ARHGAP26: variants seen among roughly 807,000 people sequenced by gnomAD.
The protein encoded by ARHGAP26 is Rho GTPase activating protein 26.
ARHGAP26 carries 38 observed loss-of-function variants against 104.8 expected under a neutral mutation model. The ratio of observed to expected loss-of-function variants is 0.36; its 90% confidence interval spans 0.28 to 0.48. The LOEUF (loss-of-function observed/expected upper bound fraction) is 0.48, where lower values mean the gene tolerates loss of function less well. ARHGAP26 is among the 20% of genes least tolerant of loss of function. The pLI, the probability that ARHGAP26 is intolerant of heterozygous loss-of-function variation, is 0.99. For missense variants in ARHGAP26, 704 were observed against 947.9 expected, an observed-to-expected ratio of 0.74 and a Z score of 3.38; for synonymous variants, 341 against 340.0, an observed-to-expected ratio of 1.00 and a Z score of -0.03.
chr5:143,128,752 G>A (rs1796993911), intron 18 of ARHGAP26, among the ~76,000 whole-genome samples: 1 of 152,096 alleles, frequency 6.6e-6, no homozygotes, highest in African/African-American at 2.4e-5. Context: ...ACATTACTAG[G>A]GACCCTGGTA....
intron 11 of ARHGAP26, among the ~76,000 whole-genome samples, chr5:142,954,744 C>T (rs2152628780): frequency 6.6e-6 from 1 of 152,298 alleles, no homozygotes; most frequent in East Asian, 1.9e-4. Flanking sequence ...AGATGTGTTT[C>T]AGGTGTTCTG....
At position 142,808,236 on chromosome 5, in the gene ARHGAP26, GAAAAAAAAAAAAAAAAAA is replaced by G. The variant is rs58550799; in HGVS notation, c.154+37344_154+37361del. 2.4e-3 allele frequency among the ~76,000 whole-genome samples: 78 copies of G among 32,704 alleles called. 1 individual carries two copies. Among genetic ancestry groups the G allele is most frequent in the South Asian group, 0.014 (12 of 836 alleles). The allele number at this position is 32,704 out of a possible 152,430, so 21.5% of individuals were successfully genotyped here. A position where few individuals can be genotyped will look rare whatever the true frequency, so the allele number is the denominator to read the frequency against. Reference sequence around the variant, plus strand: ...GGCAACAGAGTGAGACATTGTCTCGGAAAAAAAAAAAAAAAAAAAAAAAAAAAAAAAAAAAAAAAATGT... The same window carrying G: ...GGCAACAGAGTGAGACATTGTCTCGGAAAAAAAAAAAAAAAAAAAAAATGT... On this transcript the variant is annotated intron_variant, in intron 1 of 22. Coordinates refer to ENST00000645722, the MANE Select transcript of ARHGAP26 (RefSeq NM_001135608.3).
At chr5:143,213,701 C>A (rs1439492253) in intron 21 of ARHGAP26, among the ~76,000 whole-genome samples, 5 of 152,210 alleles carry the variant, frequency 3.3e-5, no homozygotes, top group African/African-American at 1.2e-4. Flanking sequence ...GCCCAGCCTG[C>A]CCTCCCGCTG....
chr5:142,930,080 T>C (rs1764491672), intron 10 of ARHGAP26, among the ~76,000 whole-genome samples: 2 of 152,080 alleles, frequency 1.3e-5, no homozygotes, highest in South Asian at 4.1e-4. Flanking sequence ...GGAATCTCCA[T>C]GTTAAGGGAA....
chr5:142,946,880 A>C (rs1454131593), intron 11 of ARHGAP26: 1 of 152,092 alleles, frequency 6.6e-6, no homozygotes, highest in Non-Finnish European at 1.5e-5. Context: ...CTAAAAACAA[A>C]GTTATGTTCT....
chr5:142,800,431 G>A (rs1313646994), intron 1 of ARHGAP26, among the ~76,000 whole-genome samples: 1 of 150,864 alleles, frequency 6.6e-6, no homozygotes, highest in Non-Finnish European at 1.5e-5. Flanking sequence ...GTGCAATAGC[G>A]TGATCTCGGC....
chr5:142,790,296 C>G (rs1338885389), intron 1 of ARHGAP26, among the ~76,000 whole-genome samples: 1 of 152,116 alleles, frequency 6.6e-6, no homozygotes, highest in African/African-American at 2.4e-5. Context: ...CATTCTGGGC[C>G]TATAGTTGGT....
At chr5:142,949,310 G>A (rs1767931845) in intron 11 of ARHGAP26, among the ~76,000 whole-genome samples, 1 of 136,482 alleles carries the variant, frequency 7.3e-6, no homozygotes, top group Non-Finnish European at 1.5e-5. Context: ...AGGATTCAGA[G>A]GCCAAGTGAT....
rs1341733081 is a variant in ARHGAP26, at chr5:142,844,300, C to T, written c.155-29100C>T. ...TCCTGACCTCAGGTGATCCGCCTGC[C>T]TCGGCCTCCCAGAGTGCTGGGATTA... On this transcript the variant is annotated intron_variant, in intron 1 of 22. Coordinates refer to ENST00000645722, the MANE Select transcript of ARHGAP26 (RefSeq NM_001135608.3). 5.3e-5 allele frequency among the ~76,000 whole-genome samples: 8 copies of T among 151,988 alleles called. No individual in the cohort carries two copies. The East Asian group carries it at 1.6e-3, about 30-fold the overall frequency.
intron 20 of ARHGAP26, among the ~76,000 whole-genome samples, chr5:143,180,176 A>T (rs555250520): frequency 5.5e-4 from 83 of 152,160 alleles, no homozygotes; most frequent in African/African-American, 1.9e-3. Context: ...CCCAGGCTGG[A>T]GTGCAGTGGT....
At chr5:142,996,936 A>C (rs34116635) in intron 11 of ARHGAP26, among the ~76,000 whole-genome samples, 1 of 152,186 alleles carries the variant, frequency 6.6e-6, no homozygotes, top group East Asian at 1.9e-4. Context: ...TGGAACTCTC[A>C]TAATGTACTG....
intron 12 of ARHGAP26, among the ~76,000 whole-genome samples, chr5:143,032,567 C>T (rs1040913055): frequency 6.6e-6 from 1 of 152,148 alleles, no homozygotes; most frequent in Non-Finnish European, 1.5e-5. Context: ...CTTTTTCTGT[C>T]GTTAGCAAAC....
chr5:143,017,937 C>T (rs761154103), intron 12 of ARHGAP26, among the ~76,000 whole-genome samples: 15 of 152,208 alleles, frequency 9.9e-5, no homozygotes, highest in Non-Finnish European at 7.3e-5. Flanking sequence ...TTGTATTGTT[C>T]TCCAGAGTGG....
At chr5:142,863,561 TATTC>T (rs1753746188) in intron 1 of ARHGAP26, among the ~76,000 whole-genome samples, 1 of 152,218 alleles carries the variant, frequency 6.6e-6, no homozygotes, top group Non-Finnish European at 1.5e-5. Context: ...TCAAGGAATT[TATTC>T]ATTCATTCCT....
intron 17 of ARHGAP26, among the ~76,000 whole-genome samples, chr5:143,096,842 G>A (rs775701469): frequency 1.3e-5 from 2 of 152,094 alleles, no homozygotes; most frequent in South Asian, 2.1e-4. Flanking sequence ...AAACCTCCCC[G>A]TAGTTAATGG....
intron 20 of ARHGAP26, 84 bp downstream of exon 20, chr5:143,147,465 T>A (rs1017791826): frequency 3.4e-6 from 5 of 1,476,034 alleles, no homozygotes; most frequent in Non-Finnish European, 4.6e-6. Flanking sequence ...TCCATCTGAC[T>A]TTGGACCATT....
intron 6 of ARHGAP26, among the ~76,000 whole-genome samples, chr5:142,898,252 G>T (rs1206179837): frequency 6.6e-6 from 1 of 151,836 alleles, no homozygotes; most frequent in Non-Finnish European, 1.5e-5. Flanking sequence ...GTATATGTAT[G>T]TATATATTTG....
intron 19 of ARHGAP26, among the ~76,000 whole-genome samples, chr5:143,141,902 A>T (rs1374696994): frequency 6.6e-6 from 1 of 152,050 alleles, no homozygotes; most frequent in South Asian, 2.1e-4. Context: ...TTTCCTGTGG[A>T]TCAGTGCAAT....
chr5:142,835,752 G>A (rs551212449), intron 1 of ARHGAP26, among the ~76,000 whole-genome samples: 168 of 152,258 alleles, frequency 1.1e-3, no homozygotes, highest in African/African-American at 3.9e-3. Context: ...CCCATGGTTA[G>A]CACATGATAC....
Sources: allele counts gnomAD v4.1 joint callset (sites outside exome capture counted in the v4.1 genomes callset), GRCh38; gene constraint gnomAD v4.1.1; transcripts MANE v1.5; gene names NCBI Gene and HGNC (gene_info 2026-07-23, HGNC 2026-07-21).